ARPP21: variants seen among roughly 807,000 people sequenced by gnomAD.
The protein encoded by ARPP21 is cAMP regulated phosphoprotein 21.
In ARPP21, 69 loss-of-function variants were observed where a neutral mutation model predicts 113.2. The ratio of observed to expected loss-of-function variants is 0.61; its 90% CI spans 0.50 to 0.74. The LOEUF (loss-of-function observed/expected upper bound fraction) is 0.74. Ranked by LOEUF, ARPP21 falls within the 30% of genes least tolerant of loss-of-function variation. The pLI, the probability that ARPP21 is intolerant of heterozygous loss-of-function variation, is 0.00. For missense variants in ARPP21, 1,070 were observed against 1,037.4 expected (o/e 1.03, Z -0.43); for synonymous variants, 368 against 375.5 (o/e 0.98, Z 0.23).
At chr3:35,748,276 A>C (rs1322006619) in intron 19 of ARPP21, among the ~76,000 whole-genome samples, 1 of 148,040 alleles carries the variant, frequency 6.8e-6, no homozygotes, top group Non-Finnish European at 1.5e-5. Context: ...GAGAGAAAGA[A>C]AGAAAAGGAG....
chr3:35,701,527 T>C (rs186413198), intron 9 of ARPP21, among the ~76,000 whole-genome samples: 3 of 151,806 alleles, frequency 2.0e-5, no homozygotes, highest in Admixed American at 6.6e-5. Flanking sequence ...ATATACCAGG[T>C]CTGAATTGCG....
chr3:35,660,409 A>G (rs942079768), intron 1 of ARPP21, among the ~76,000 whole-genome samples: 5 of 152,170 alleles, frequency 3.3e-5, no homozygotes, highest in Non-Finnish European at 7.3e-5. Flanking sequence ...GAGCAGGCCA[A>G]ACTCTTACTC....
chr3:35,733,221 G>A (rs2037015), intron 15 of ARPP21, among the ~76,000 whole-genome samples: 72,174 of 150,672 alleles, frequency 0.48, 18,154 homozygotes, highest in East Asian at 0.8. Flanking sequence ...CCTTTCCTGA[G>A]ATTGATGGCA....
intron 19 of ARPP21, among the ~76,000 whole-genome samples, chr3:35,786,972 A>C (rs546251280): frequency 1.2e-4 from 19 of 152,334 alleles, no homozygotes; most frequent in Non-Finnish European, 2.4e-4. Flanking sequence ...TACTGTGAAC[A>C]CCACAGTGCT....
At chr3:35,695,891 G>C (rs761261732) in intron 9 of ARPP21, among the ~76,000 whole-genome samples, 2 of 151,550 alleles carry the variant, frequency 1.3e-5, no homozygotes, top group Non-Finnish European at 3.0e-5. Flanking sequence ...AAGAGAATAT[G>C]TACCAAAGGG....
At chr3:35,748,388 AAG>A (rs1471481031) in intron 19 of ARPP21, among the ~76,000 whole-genome samples, 98 of 151,102 alleles carry the variant, frequency 6.5e-4, no homozygotes, top group African/African-American at 2.3e-3. Context: ...AAGAAAGAAA[AAG>A]AAAAGAAAGG....
At chr3:35,688,079 G>A (rs1258566535) in intron 6 of ARPP21, among the ~76,000 whole-genome samples, 196 bp downstream of exon 6, 1 of 151,550 alleles carries the variant, frequency 6.6e-6, no homozygotes, top group Admixed American at 6.6e-5. Context: ...TGTGTTGCTA[G>A]ACAGGTTATT....
chr3:35,748,062 G>T (rs1576578690), intron 19 of ARPP21, among the ~76,000 whole-genome samples: 2 of 89,620 alleles, frequency 2.2e-5, no homozygotes, highest in South Asian at 3.9e-4. Context: ...AAAGGAAGAA[G>T]GAAGGAAGAA....
At chr3:35,667,962 AG>A (rs770468525) in intron 1 of ARPP21, among the ~76,000 whole-genome samples, 22 of 84,188 alleles carry the variant, frequency 2.6e-4, no homozygotes, top group Middle Eastern at 5.7e-3. Context: ...AAGAAGAAGA[AG>A]AAGAAGAAGA....
chr3:35,744,079 AC>A, intron 19 of ARPP21, 114 bp downstream of exon 19: 1 of 1,103,560 alleles, frequency 9.1e-7, no homozygotes, highest in Non-Finnish European at 1.3e-6. Context: ...CATTTTCTCT[AC>A]CCAGAGAAGA....
At chr3:35,672,430 A>T (rs2149338672) in intron 1 of ARPP21, among the ~76,000 whole-genome samples, 1 of 152,196 alleles carries the variant, frequency 6.6e-6, no homozygotes, top group East Asian at 1.9e-4. Flanking sequence ...GTTTAAGAAA[A>T]AACTTTATTG....
At chr3:35,743,760 G>A in intron 18 of ARPP21, 79 bp from the exon 19 acceptor site, 1 of 1,485,202 alleles carries the variant, frequency 6.7e-7, no homozygotes. Context: ...ACAATTATAA[G>A]ACGAAAGCAT....
intron 1 of ARPP21, among the ~76,000 whole-genome samples, chr3:35,670,033 G>C (rs183891040): frequency 2.1e-3 from 326 of 152,112 alleles, no homozygotes; most frequent in African/African-American, 7.2e-3. Flanking sequence ...GTTTCTGCCA[G>C]GTCCTTCATT....
chr3:35,682,047 C>T (rs1021616473), intron 3 of ARPP21, among the ~76,000 whole-genome samples, 167 bp downstream of exon 3: 9 of 151,790 alleles, frequency 5.9e-5, no homozygotes, highest in African/African-American at 1.9e-4. Context: ...TGTCCTAACC[C>T]AACCGTGCTC....
At chr3:35,760,721 A>C (rs979531597) in intron 19 of ARPP21, among the ~76,000 whole-genome samples, 2 of 152,108 alleles carry the variant, frequency 1.3e-5, no homozygotes, top group African/African-American at 4.8e-5. Context: ...TGGATATTAG[A>C]CTTTCCTAAG....
chr3:35,752,901 A>C (rs1048397541), intron 19 of ARPP21, among the ~76,000 whole-genome samples: 11 of 152,104 alleles, frequency 7.2e-5, no homozygotes, highest in African/African-American at 2.4e-4. Flanking sequence ...AATTACAGCT[A>C]GTATTTAGAA....
At chr3:35,658,241 T>C (rs2149097758) in intron 1 of ARPP21, among the ~76,000 whole-genome samples, 1 of 152,194 alleles carries the variant, frequency 6.6e-6, no homozygotes, top group Admixed American at 6.5e-5. Flanking sequence ...GTTTGAATAA[T>C]TTTTATGCAG....
chr3:35,657,401 C>A (rs1444459840), intron 1 of ARPP21, among the ~76,000 whole-genome samples: 2 of 152,114 alleles, frequency 1.3e-5, no homozygotes, highest in Non-Finnish European at 2.9e-5. Flanking sequence ...CAGTTTAATT[C>A]TAGCCAGGGA....
At chr3:35,702,925 A>G (rs2087012859) in intron 9 of ARPP21, among the ~76,000 whole-genome samples, 1 of 151,822 alleles carries the variant, frequency 6.6e-6, no homozygotes, top group African/African-American at 2.4e-5. Context: ...GATTTCTCTA[A>G]TTTGTTTGAC....
Sources: allele counts gnomAD v4.1 joint callset (sites outside exome capture counted in the v4.1 genomes callset), GRCh38; gene constraint gnomAD v4.1.1; transcripts MANE v1.5; gene names NCBI Gene and HGNC (gene_info 2026-07-23, HGNC 2026-07-21).